The following CTNNA2 variants were observed in gnomAD, a reference collection of about 807,000 sequenced individuals.
The protein encoded by CTNNA2 is catenin alpha 2.
A neutral mutation model predicts 101.0 loss-of-function variants in CTNNA2; 42 were observed. The observed-to-expected ratio is 0.42, with a 90% CI of 0.32 to 0.54. The LOEUF (loss-of-function observed/expected upper bound fraction) is 0.54. Ranked by LOEUF, CTNNA2 falls within the 20% of genes least tolerant of loss-of-function variation. The pLI is 0.14. For synonymous variants in CTNNA2, 450 were observed against 456.4 expected, an observed-to-expected ratio of 0.99 and a Z score of 0.18; for missense variants, 871 against 1,223.1, an observed-to-expected ratio of 0.71 and a Z score of 4.29.
intron 3 of CTNNA2, among the ~76,000 whole-genome samples, chr2:79,352,497 A>G (rs1677414103): frequency 6.6e-6 from 1 of 152,032 alleles, no homozygotes; most frequent in African/African-American, 2.4e-5. Context: ...TAATCTAGCT[A>G]GCAGTCTATT....
At chr2:79,807,474 TA>T (rs1420262484) in intron 3 of CTNNA2, among the ~76,000 whole-genome samples, 1 of 152,186 alleles carries the variant, frequency 6.6e-6, no homozygotes, top group East Asian at 1.9e-4. Context: ...TTTTTAGCCT[TA>T]AAAATAGTTT....
chr2:79,906,797 G>T (rs570124558), intron 6 of CTNNA2, among the ~76,000 whole-genome samples: 14 of 152,234 alleles, frequency 9.2e-5, no homozygotes, highest in African/African-American at 3.4e-4. Context: ...AATAGATTTG[G>T]GAAACGCTAC....
At chr2:79,482,040 A>G (rs1397179090) in intron 4 of CTNNA2, among the ~76,000 whole-genome samples, 1 of 152,204 alleles carries the variant, frequency 6.6e-6, no homozygotes, top group Non-Finnish European at 1.5e-5. Context: ...GTGTTGTGGC[A>G]TAGATTCAGA....
At chr2:79,642,074 A>G (rs1680485073) in intron 1 of CTNNA2, among the ~76,000 whole-genome samples, 1 of 152,208 alleles carries the variant, frequency 6.6e-6, no homozygotes, top group Non-Finnish European at 1.5e-5. Context: ...TGGGTAGAAG[A>G]AAAAGGAGAT....
intron 7 of CTNNA2, among the ~76,000 whole-genome samples, chr2:80,126,446 C>T (rs1702111826): frequency 6.7e-6 from 1 of 148,470 alleles, no homozygotes; most frequent in African/African-American, 2.5e-5. Context: ...TCTCTTACCT[C>T]CAACTCCTAC....
At chr2:80,491,396 T>A (rs1297249532) in intron 9 of CTNNA2, among the ~76,000 whole-genome samples, 1 of 152,110 alleles carries the variant, frequency 6.6e-6, no homozygotes, top group African/African-American at 2.4e-5. Context: ...TAGACAACGG[T>A]TTTAATTTTT....
At chr2:80,118,010 A>T (rs371687567) in intron 7 of CTNNA2, among the ~76,000 whole-genome samples, 95 of 152,262 alleles carry the variant, frequency 6.2e-4, no homozygotes, top group African/African-American at 2.0e-3. Flanking sequence ...CTGTACATGG[A>T]AAGAGAGGAT....
intron 3 of CTNNA2, among the ~76,000 whole-genome samples, chr2:79,366,568 C>A (rs1234648349): frequency 6.6e-6 from 1 of 152,110 alleles, no homozygotes; most frequent in East Asian, 1.9e-4. Flanking sequence ...CCAGCTGACT[C>A]TAGTTTACCT....
chr2:80,390,099 C>T (rs1467556622), intron 7 of CTNNA2, among the ~76,000 whole-genome samples: 2 of 152,178 alleles, frequency 1.3e-5, no homozygotes, highest in African/African-American at 4.8e-5. Context: ...CACTGCCTTC[C>T]CAGAACCACC....
At chr2:80,204,560 G>C (rs908899287) in intron 7 of CTNNA2, among the ~76,000 whole-genome samples, 1 of 152,146 alleles carries the variant, frequency 6.6e-6, no homozygotes, top group Non-Finnish European at 1.5e-5. Context: ...GACCACCTCA[G>C]TCTGGACCTT....
At chr2:79,835,666 G>GTTTTTTGTTTTTTGTTTTTT in intron 3 of CTNNA2, among the ~76,000 whole-genome samples, 1 of 58,634 alleles carries the variant, frequency 1.7e-5, no homozygotes, top group African/African-American at 7.3e-5. Context: ...GCCTCTCTTT[G>GTTTTTTGTTTTTTGTTTTTT]TTTTTTTTTT....
chr2:79,457,044 C>G (rs1670831156), intron 4 of CTNNA2, among the ~76,000 whole-genome samples: 1 of 151,328 alleles, frequency 6.6e-6, no homozygotes, highest in Non-Finnish European at 1.5e-5. Context: ...TACTAAAATA[C>G]AAAAAAAATT....
Position 79,598,339 on chromosome 2 carries a change from G to A in CTNNA2, c.-5-53213G>A, listed in dbSNP as rs184967430. Among the ~76,000 whole-genome samples the A allele has an allele frequency of 4.8e-3, 737 of 152,292 alleles. 1 individual carries two copies. Among genetic ancestry groups the A allele is most frequent in the Non-Finnish European group, 7.4e-3 (504 of 68,024 alleles). On this transcript the variant is annotated intron_variant, in intron 1 of 18. Coordinates refer to ENST00000402739, the MANE Select transcript of CTNNA2 (RefSeq NM_001282597.3). Reference sequence around the variant, plus strand: ...TGAGTAAACACCACAGAGCATGATTGCTGGATTGTATGGTAAGAGTATGTT... The same window carrying A: ...TGAGTAAACACCACAGAGCATGATTACTGGATTGTATGGTAAGAGTATGTT...
intron 7 of CTNNA2, among the ~76,000 whole-genome samples, chr2:80,222,326 A>G (rs1034440540): frequency 7.2e-6 from 1 of 138,074 alleles, no homozygotes; most frequent in Non-Finnish European, 1.5e-5. Context: ...TTCAAATTAT[A>G]TCTTTATCTT....
intron 7 of CTNNA2, among the ~76,000 whole-genome samples, chr2:80,153,597 G>T (rs1703832827): frequency 6.6e-6 from 1 of 152,056 alleles, no homozygotes; most frequent in Admixed American, 6.6e-5. Flanking sequence ...TTCTTTTCCT[G>T]ACCTCCATTC....
intron 8 of CTNNA2, among the ~76,000 whole-genome samples, chr2:80,416,364 A>C (rs1680048976): frequency 6.6e-6 from 1 of 152,176 alleles, no homozygotes; most frequent in African/African-American, 2.4e-5. Context: ...TTTGTCAATT[A>C]TACCTCAAGA....
At chr2:79,682,953 AGTT>A (rs1174803150) in intron 2 of CTNNA2, among the ~76,000 whole-genome samples, 2 of 152,226 alleles carry the variant, frequency 1.3e-5, no homozygotes, top group Non-Finnish European at 2.9e-5. Context: ...TTTCAGAAGA[AGTT>A]GTAGGAATAG....
intron 7 of CTNNA2, among the ~76,000 whole-genome samples, chr2:80,241,014 G>A (rs934814472): frequency 2.0e-5 from 3 of 152,084 alleles, no homozygotes; most frequent in African/African-American, 7.2e-5. Context: ...AATTGACAAG[G>A]TTGGAAAAAT....
At chr2:80,157,369 C>A (rs538529017) in intron 7 of CTNNA2, among the ~76,000 whole-genome samples, 1 of 152,138 alleles carries the variant, frequency 6.6e-6, no homozygotes, top group Non-Finnish European at 1.5e-5. Context: ...GGAGCTATCT[C>A]ATGGGTCCTA....
Sources: allele counts gnomAD v4.1 joint callset (sites outside exome capture counted in the v4.1 genomes callset), GRCh38; gene constraint gnomAD v4.1.1; transcripts MANE v1.5; gene names NCBI Gene and HGNC (gene_info 2026-07-23, HGNC 2026-07-21).